GRIN2A: variants seen among roughly 807,000 people sequenced by gnomAD.
GRIN2A encodes the protein glutamate ionotropic receptor NMDA type subunit 2A.
Under a neutral mutation model 113.4 loss-of-function variants are expected in GRIN2A, and 22 were observed. The ratio of observed to expected loss-of-function variants is 0.19; its 90% CI spans 0.14 to 0.28. The LOEUF (loss-of-function observed/expected upper bound fraction) is 0.28, where lower values mean the gene tolerates loss of function less well. Among genes scored for constraint, GRIN2A ranks in the 10% least tolerant of loss-of-function variants. The pLI is 1.00. For synonymous variants in GRIN2A, 827 were observed against 738.4 expected, an observed-to-expected ratio of 1.12 and a Z score of -1.94; for missense variants, 1,502 against 1,887.0, an observed-to-expected ratio of 0.80 and a Z score of 3.78.
At position 9,800,627 on chromosome 16, in the gene GRIN2A, C is replaced by T. The variant is rs115134300; in HGVS notation, c.2169-2163G>A. Reference sequence around the variant, plus strand: ...TTGTTTCTATAATGGTTTGAGGTGGCGCAAAACTGTAGGACTTGTCTCATC... The same window carrying T: ...TTGTTTCTATAATGGTTTGAGGTGGTGCAAAACTGTAGGACTTGTCTCATC... On this transcript the variant is annotated intron_variant, in intron 10 of 12. Transcript: ENST00000330684. Among the ~76,000 whole-genome samples the T allele has an allele frequency of 5.9e-3, 895 of 151,956 alleles. 14 individuals are homozygous for T. The highest frequency in any genetic ancestry group is 0.021 in the African/African-American group (865 of 41,428).
intron 2 of GRIN2A, among the ~76,000 whole-genome samples, chr16:10,123,939 G>A (rs555674104): frequency 3.3e-5 from 5 of 152,306 alleles, no homozygotes; most frequent in African/African-American, 1.2e-4. Flanking sequence ...ACTCGGCACA[G>A]TGTATGGCAC....
intron 2 of GRIN2A, among the ~76,000 whole-genome samples, chr16:10,143,172 CACTG>C (rs1290693706): frequency 1.3e-5 from 2 of 152,182 alleles, no homozygotes; most frequent in East Asian, 3.9e-4. Flanking sequence ...TTGCTCCAGG[CACTG>C]ACTAACTCTG....
intron 2 of GRIN2A, among the ~76,000 whole-genome samples, chr16:10,064,266 C>T (rs180868475): frequency 6.6e-6 from 1 of 152,148 alleles, no homozygotes; most frequent in Non-Finnish European, 1.5e-5. Context: ...AGGGGCCCTG[C>T]ATCAACAGGT....
chr16:10,126,666 C>G (rs1042302080), intron 2 of GRIN2A, among the ~76,000 whole-genome samples: 13 of 152,144 alleles, frequency 8.5e-5, no homozygotes, highest in Admixed American at 7.9e-4. Context: ...GCACGTATCA[C>G]CAACGTTTTT....
chr16:10,128,019 T>C (rs1437900122), intron 2 of GRIN2A, among the ~76,000 whole-genome samples: 2 of 152,068 alleles, frequency 1.3e-5, no homozygotes, highest in African/African-American at 2.4e-5. Context: ...AGGTCACCCA[T>C]ATAAGAACTC....
intron 2 of GRIN2A, chr16:9,970,650 T>C: frequency 3.1e-6 from 1 of 325,282 alleles, no homozygotes; most frequent in African/African-American, 2.2e-5. Flanking sequence ...AAAATCATTT[T>C]GGTTCAAGAA....
At position 9,829,681 on chromosome 16, in the gene GRIN2A, C is replaced by T. The variant is rs2042452516; in HGVS notation, c.1778-29G>A. The T allele has an allele frequency of 1.9e-6, 3 of 1,542,460 alleles. No homozygotes were observed. The African/African-American group carries it at 4.1e-5, about 21-fold the overall frequency. On this transcript the variant is annotated intron_variant, in intron 8 of 12. Coordinates refer to ENST00000330684, the MANE Select transcript of GRIN2A (RefSeq NM_001134407.3). ...CAGAAGATGAAAAGGACATTCTCAG[C>T]ATTTTCTGAAAAAAATGCCTGTTTG...
chr16:9,973,623 C>G (rs1489077272), intron 2 of GRIN2A, among the ~76,000 whole-genome samples: 2 of 152,152 alleles, frequency 1.3e-5, no homozygotes, highest in East Asian at 3.9e-4. Context: ...CTAGGCACAT[C>G]ACAGTCAAAC....
intron 2 of GRIN2A, among the ~76,000 whole-genome samples, chr16:10,177,610 T>C (rs1324555024): frequency 6.6e-6 from 1 of 152,250 alleles, no homozygotes; most frequent in African/African-American, 2.4e-5. Flanking sequence ...CCTTTCCTGA[T>C]TCCTTTTCTC....
intron 2 of GRIN2A, among the ~76,000 whole-genome samples, chr16:10,031,089 T>C (rs1256845747): frequency 1.3e-5 from 2 of 152,212 alleles, no homozygotes; most frequent in Non-Finnish European, 2.9e-5. Context: ...AAGCCTACGC[T>C]GGAATCGCAC....
intron 2 of GRIN2A, among the ~76,000 whole-genome samples, chr16:10,091,520 G>T (rs1217499712): frequency 6.6e-6 from 1 of 152,028 alleles, no homozygotes; most frequent in Non-Finnish European, 1.5e-5. Context: ...GGGTGTGGTA[G>T]TGTATACCTG....
chr16:10,127,968 T>C (rs1283713691), intron 2 of GRIN2A, among the ~76,000 whole-genome samples: 4 of 152,018 alleles, frequency 2.6e-5, no homozygotes, highest in Admixed American at 6.6e-5. Context: ...GGGCTTAGAA[T>C]CACATAGCAT....
At chr16:10,174,515 T>G (rs554536900) in intron 2 of GRIN2A, among the ~76,000 whole-genome samples, 7 of 152,310 alleles carry the variant, frequency 4.6e-5, no homozygotes, top group South Asian at 4.1e-4. Flanking sequence ...GGAAAGATGC[T>G]AGAGCAATCA....
intron 3 of GRIN2A, among the ~76,000 whole-genome samples, chr16:9,924,211 C>A (rs886304912): frequency 6.7e-6 from 1 of 148,632 alleles, no homozygotes; most frequent in African/African-American, 2.5e-5. Flanking sequence ...GATCCATATT[C>A]TGTTTGGTAT....
intron 10 of GRIN2A, among the ~76,000 whole-genome samples, chr16:9,807,420 A>G (rs953692522): frequency 4.1e-4 from 53 of 129,600 alleles, no homozygotes; most frequent in Non-Finnish European, 7.4e-4. Flanking sequence ...GAAAGGAGAG[A>G]CAGAGAGAAA....
chr16:9,865,556 C>T (rs2043148117), intron 4 of GRIN2A, among the ~76,000 whole-genome samples: 2 of 152,228 alleles, frequency 1.3e-5, no homozygotes, highest in South Asian at 4.1e-4. Flanking sequence ...CTTTCAAACT[C>T]ACACAAATTA....
intron 2 of GRIN2A, among the ~76,000 whole-genome samples, chr16:9,947,445 C>T (rs1388527745): frequency 6.6e-6 from 1 of 152,250 alleles, no homozygotes; most frequent in African/African-American, 2.4e-5. Flanking sequence ...CATAGAGGAG[C>T]TGCTGCTGAA....
intron 4 of GRIN2A, among the ~76,000 whole-genome samples, chr16:9,889,192 A>T (rs570510445): frequency 6.6e-6 from 1 of 152,250 alleles, no homozygotes; most frequent in African/African-American, 2.4e-5. Context: ...AGTTGTAGAA[A>T]ATTGTGTTTC....
chr16:10,122,201 G>A (rs1335619665), intron 2 of GRIN2A, among the ~76,000 whole-genome samples: 1 of 152,312 alleles, frequency 6.6e-6, no homozygotes, highest in South Asian at 2.1e-4. Flanking sequence ...CCATGAGTCA[G>A]AATGTATTAG....
Sources: allele counts gnomAD v4.1 joint callset (sites outside exome capture counted in the v4.1 genomes callset), GRCh38; gene constraint gnomAD v4.1.1; transcripts MANE v1.5; gene names NCBI Gene and HGNC (gene_info 2026-07-23, HGNC 2026-07-21).